SLMAP: variants seen among roughly 807,000 people sequenced by gnomAD.
SLMAP encodes the protein sarcolemmal membrane-associated protein.
SLMAP carries 44 observed loss-of-function variants against 128.8 expected under a neutral mutation model. The observed-to-expected ratio is 0.34, with a 90% CI of 0.27 to 0.44. SLMAP has a LOEUF of 0.44. Ranked by LOEUF, SLMAP falls within the 20% of genes least tolerant of loss-of-function variation. The pLI is 1.00. For missense variants in SLMAP, 787 were observed against 985.3 expected, an observed-to-expected ratio of 0.80 and a Z score of 2.69; for synonymous variants, 327 against 348.8, an observed-to-expected ratio of 0.94 and a Z score of 0.70.
At chr3:57,808,022 T>G (rs1307208122) in intron 2 of SLMAP, among the ~76,000 whole-genome samples, 2 of 152,208 alleles carry the variant, frequency 1.3e-5, no homozygotes, top group South Asian at 2.1e-4. Flanking sequence ...TCCAGGACTT[T>G]ATGTATTTCT....
chr3:57,927,371 GC>G lies in SLMAP; in HGVS notation c.*84del. 6.3e-7 allele frequency: 1 copy of G among 1,586,144 alleles called. No homozygotes were observed. The highest frequency in any genetic ancestry group is 8.6e-7 in the Non-Finnish European group (1 of 1,159,090). ...CATCGTGCTGTACGTGCCAGGTCTG[GC>G]CAGAGCTTCTCCATGAGAGCGTTCC... On this transcript the variant is annotated 3_prime_UTR_variant, in exon 25 of 25. Coordinates refer to ENST00000671191, the MANE Select transcript of SLMAP (RefSeq NM_001377540.1).
At chr3:57,910,524 T>C (rs1559530625) in intron 19 of SLMAP, among the ~76,000 whole-genome samples, 1 of 152,216 alleles carries the variant, frequency 6.6e-6, no homozygotes, top group Non-Finnish European at 1.5e-5. Flanking sequence ...TAGTAGTCTC[T>C]GCACTGATTT....
intron 3 of SLMAP, among the ~76,000 whole-genome samples, chr3:57,834,728 T>C (rs1316995686): frequency 6.6e-6 from 1 of 152,084 alleles, no homozygotes; most frequent in African/African-American, 2.4e-5. Flanking sequence ...TTAAAGAACC[T>C]AGCATATCAT....
chr3:57,790,128 T>G (rs1001526880), intron 2 of SLMAP, among the ~76,000 whole-genome samples: 1 of 152,174 alleles, frequency 6.6e-6, no homozygotes, highest in Non-Finnish European at 1.5e-5. Context: ...TGAGCCACCA[T>G]GCCCAGCCAA....
chr3:57,786,055 A>G (rs997442712), intron 2 of SLMAP, among the ~76,000 whole-genome samples: 8 of 152,210 alleles, frequency 5.3e-5, no homozygotes, highest in African/African-American at 1.9e-4. Flanking sequence ...ATAAGACAAT[A>G]AAAAACTGTT....
chr3:57,869,248 T>C (rs868770436), intron 13 of SLMAP, among the ~76,000 whole-genome samples: 8 of 150,556 alleles, frequency 5.3e-5, no homozygotes, highest in Non-Finnish European at 1.0e-4. Context: ...CAGTCTCTCT[T>C]TTCACATTTT....
At chr3:57,781,044 A>T (rs1018449440) in intron 2 of SLMAP, among the ~76,000 whole-genome samples, 1 of 151,794 alleles carries the variant, frequency 6.6e-6, no homozygotes, top group Non-Finnish European at 1.5e-5. Context: ...ATATATGCGC[A>T]TATATATAAA....
intron 2 of SLMAP, among the ~76,000 whole-genome samples, chr3:57,779,451 G>A (rs1322687976): frequency 1.3e-5 from 2 of 149,414 alleles, no homozygotes; most frequent in Admixed American, 6.7e-5. Flanking sequence ...TGAGGCTGCA[G>A]TGAATTGAGA....
chr3:57,847,198 G>A lies in SLMAP; in HGVS notation c.421G>A (p.Val141Ile), dbSNP rs143315729. The A allele has an allele frequency of 6.1e-5, 98 of 1,597,956 alleles. No homozygotes were observed. Among genetic ancestry groups the A allele is most frequent in the Non-Finnish European group, 8.1e-5 (95 of 1,170,792 alleles). Residue 141 changes from valine (V) to isoleucine (I), a missense_variant and splice_region_variant, in exon 5 of 25, where the codon GTC becomes ATC. Physicochemically the swap from Val to Ile is conservative, Grantham distance 29. This residue lies in a region of SLMAP where 715 missense variants were observed against 843.6 expected (regional missense o/e 0.85). Coordinates refer to ENST00000671191, the MANE Select transcript of SLMAP (RefSeq NM_001377540.1). ...DGMEARLRSDVIHAPLPSPVD... is the reference protein window; with the variant it reads ...DGMEARLRSDIIHAPLPSPVD... ...AAACTTCTAAATTTTACTTTTCAGTGTCATCCATGCACCATTACCAAGTCC... is the reference window on the plus strand; with the variant it reads ...AAACTTCTAAATTTTACTTTTCAGTATCATCCATGCACCATTACCAAGTCC...
Position 57,912,548 on chromosome 3 carries a change from C to CAAGAAGAGCTTAAG in SLMAP, c.1871_1884dup (p.Val629LysfsTer6), listed in dbSNP as rs1193726681. 6.2e-7 allele frequency: 1 copy of CAAGAAGAGCTTAAG among 1,614,144 alleles called. No individual in the cohort carries two copies. The highest frequency in any genetic ancestry group is 1.3e-5 in the African/African-American group (1 of 75,048). ...GCGGGACACTGACATTGCTTCTTTA[C>CAAGAAGAGCTTAAG]AAGAAGAGCTTAAGAAGGTGAGAGC... On this transcript the variant is annotated frameshift_variant, in exon 20 of 25. Transcript: ENST00000671191. LOFTEE classifies it high-confidence loss of function.
intron 2 of SLMAP, among the ~76,000 whole-genome samples, chr3:57,829,021 G>GA (rs1421626667): frequency 6.6e-6 from 1 of 152,050 alleles, no homozygotes; most frequent in African/African-American, 2.4e-5. Flanking sequence ...GGGCTCAAGT[G>GA]ATTCTCCCAC....
chr3:57,865,052 G>A (rs1243836965), intron 12 of SLMAP, among the ~76,000 whole-genome samples, 190 bp from the exon 13 acceptor site: 1 of 152,082 alleles, frequency 6.6e-6, no homozygotes, highest in Non-Finnish European at 1.5e-5. Flanking sequence ...CTTGAGATGA[G>A]TGAAATTTCT....
rs1423848566 is a variant in SLMAP at position 57,757,563 on chromosome 3, G to C, written c.-89G>C. The C allele has an allele frequency of 1.6e-6, 2 of 1,253,398 alleles. No individual in the cohort carries two copies. Among genetic ancestry groups the C allele is most frequent in the Admixed American group, 3.7e-5 (2 of 53,596 alleles). 77.6% of individuals were successfully genotyped at this position (1,253,398 alleles called of 1,614,324 possible). A position where few individuals can be genotyped will look rare whatever the true frequency, so the allele number is the denominator to read the frequency against. ...TGTGTTAATTTAAAATTTTGGGTGGGATAGGGGCATAGGCTTGTGAAGGGC... is the reference window on the plus strand; with the variant it reads ...TGTGTTAATTTAAAATTTTGGGTGGCATAGGGGCATAGGCTTGTGAAGGGC... On this transcript the variant is annotated 5_prime_UTR_variant, in exon 2 of 25. Coordinates refer to ENST00000671191, the MANE Select transcript of SLMAP (RefSeq NM_001377540.1).
chr3:57,759,946 GT>G (rs1168752749), intron 2 of SLMAP, among the ~76,000 whole-genome samples: 2 of 151,790 alleles, frequency 1.3e-5, no homozygotes, highest in African/African-American at 2.4e-5. Context: ...GTTAATATTT[GT>G]TTTTTTTCTT....
At chr3:57,795,884 T>C (rs1170757731) in intron 2 of SLMAP, among the ~76,000 whole-genome samples, 1 of 152,206 alleles carries the variant, frequency 6.6e-6, no homozygotes, top group Non-Finnish European at 1.5e-5. Flanking sequence ...CTCTAGGACT[T>C]TGCCTATTCT....
At chr3:57,862,328 C>CAA (rs2095113084) in intron 10 of SLMAP, among the ~76,000 whole-genome samples, 1 of 148,226 alleles carries the variant, frequency 6.7e-6, no homozygotes, top group South Asian at 2.1e-4. Flanking sequence ...AAAGGAAAAA[C>CAA]AAACAAACAA....
intron 21 of SLMAP, among the ~76,000 whole-genome samples, chr3:57,914,729 T>G (rs1191525809): frequency 6.6e-6 from 1 of 151,890 alleles, no homozygotes; most frequent in African/African-American, 2.4e-5. Flanking sequence ...ATTACAGACA[T>G]GTGCCACCAT....
intron 14 of SLMAP, among the ~76,000 whole-genome samples, chr3:57,889,660 C>T (rs2096005929): frequency 6.6e-6 from 1 of 152,028 alleles, no homozygotes; most frequent in Non-Finnish European, 1.5e-5. Flanking sequence ...AGTAAACTAT[C>T]GATATAACTT....
intron 17 of SLMAP, chr3:57,899,220 C>G (rs995985551): frequency 6.6e-6 from 1 of 152,060 alleles, no homozygotes; most frequent in East Asian, 1.9e-4. Context: ...ATGAGTAGCA[C>G]CAAACAGTAT....
Sources: allele counts gnomAD v4.1 joint callset (sites outside exome capture counted in the v4.1 genomes callset), GRCh38; gene constraint gnomAD v4.1.1; regional missense constraint gnomAD v4.1.1; transcripts MANE v1.5; gene names NCBI Gene and HGNC (gene_info 2026-07-23, HGNC 2026-07-21).